The following MAML3 variants were observed in gnomAD, a reference collection of about 807,000 sequenced individuals.
MAML3 encodes the protein mastermind like transcriptional coactivator 3.
A neutral mutation model predicts 101.9 loss-of-function variants in MAML3; 27 were observed. The ratio of observed to expected loss-of-function variants is 0.27; its 90% CI spans 0.20 to 0.37. MAML3 has a LOEUF of 0.37. Among genes scored for constraint, MAML3 ranks in the 10% least tolerant of loss-of-function variants. The pLI, the probability that MAML3 is intolerant of heterozygous loss-of-function variation, is 1.00. For missense variants in MAML3, 1,316 were observed against 1,444.9 expected (o/e 0.91, Z 1.45); for synonymous variants, 501 against 555.9 (o/e 0.90, Z 1.39).
At chr4:139,946,889 C>CA (rs1733737962) in intron 1 of MAML3, among the ~76,000 whole-genome samples, 1 of 126,844 alleles carries the variant, frequency 7.9e-6, no homozygotes, top group East Asian at 2.8e-4. Context: ...GCAGAGTAAG[C>CA]CACACACACA....
intron 2 of MAML3, among the ~76,000 whole-genome samples, chr4:139,750,459 T>C (rs1411150095): frequency 6.6e-6 from 1 of 152,224 alleles, no homozygotes; most frequent in African/African-American, 2.4e-5. Context: ...AAATGGCCTT[T>C]GGTGCAGTTT....
intron 1 of MAML3, among the ~76,000 whole-genome samples, chr4:139,994,488 G>A (rs1348275299): frequency 6.6e-6 from 1 of 152,116 alleles, no homozygotes; most frequent in Non-Finnish European, 1.5e-5. Flanking sequence ...AACATAGCAA[G>A]ACTCCATCTC....
intron 2 of MAML3, among the ~76,000 whole-genome samples, chr4:139,821,377 C>T (rs954153501): frequency 1.3e-5 from 2 of 152,132 alleles, no homozygotes; most frequent in Non-Finnish European, 2.9e-5. Context: ...CAGCACAAAC[C>T]CTACTGTGAA....
chr4:139,781,996 T>C (rs1730224797), intron 2 of MAML3, among the ~76,000 whole-genome samples: 1 of 152,156 alleles, frequency 6.6e-6, no homozygotes, highest in South Asian at 2.1e-4. Context: ...CACGGGGAAC[T>C]GTTCCATGGA....
intron 1 of MAML3, among the ~76,000 whole-genome samples, chr4:140,055,885 T>A (rs1273050448): frequency 6.6e-6 from 1 of 151,360 alleles, no homozygotes; most frequent in Non-Finnish European, 1.5e-5. Flanking sequence ...AAGAAATACA[T>A]TGACTGGCTT....
intron 2 of MAML3, among the ~76,000 whole-genome samples, chr4:139,751,968 T>C (rs968121979): frequency 6.6e-6 from 1 of 152,216 alleles, no homozygotes; most frequent in African/African-American, 2.4e-5. Context: ...TGTATTGCAT[T>C]TATTACTACT....
At chr4:140,014,312 A>G (rs749472936) in intron 1 of MAML3, among the ~76,000 whole-genome samples, 2 of 152,256 alleles carry the variant, frequency 1.3e-5, no homozygotes, top group Non-Finnish European at 2.9e-5. Context: ...CAAAAAATAT[A>G]GATGTCCAAA....
chr4:140,007,943 G>A lies in MAML3; in HGVS notation c.469-116976C>T, dbSNP rs143168870. Among the ~76,000 whole-genome samples the A allele has an allele frequency of 6.5e-3, 988 of 152,208 alleles. 11 individuals carry two copies. Among genetic ancestry groups the A allele is most frequent in the African/African-American group, 0.023 (943 of 41,520 alleles). The stretch of plus-strand genomic sequence containing the variant: ...CTACTATCAAAGAGAATTTTTCATC[G>A]GTAAGAAATGGCACTGTTGGGCAGC... On this transcript the variant is annotated intron_variant, in intron 1 of 4. Transcript: ENST00000509479.
At chr4:139,912,031 T>A (rs1165966026) in intron 1 of MAML3, among the ~76,000 whole-genome samples, 3 of 152,272 alleles carry the variant, frequency 2.0e-5, no homozygotes, top group African/African-American at 7.2e-5. Flanking sequence ...CAAATATCTC[T>A]TGTAGACCCT....
At chr4:139,753,559 T>A (rs1729575955) in intron 2 of MAML3, among the ~76,000 whole-genome samples, 1 of 152,136 alleles carries the variant, frequency 6.6e-6, no homozygotes. Flanking sequence ...AGTCTAAAAC[T>A]ACCATGAAAA....
intron 1 of MAML3, among the ~76,000 whole-genome samples, chr4:140,146,275 G>A (rs2111060882): frequency 6.6e-6 from 1 of 152,192 alleles, no homozygotes; most frequent in African/African-American, 2.4e-5. Context: ...GGCCCTCAGA[G>A]AACGCCGAAT....
At chr4:139,834,417 C>T (rs749002125) in intron 2 of MAML3, among the ~76,000 whole-genome samples, 4 of 152,332 alleles carry the variant, frequency 2.6e-5, no homozygotes, top group South Asian at 2.1e-4. Context: ...AGTTTAGTGG[C>T]GGTAGCACGT....
chr4:139,783,285 C>T (rs1730248461), intron 2 of MAML3, among the ~76,000 whole-genome samples: 1 of 152,220 alleles, frequency 6.6e-6, no homozygotes, highest in Non-Finnish European at 1.5e-5. Flanking sequence ...GCTCTAACCT[C>T]ATTTCTCCAG....
intron 2 of MAML3, among the ~76,000 whole-genome samples, chr4:139,750,719 C>G (rs1285152938): frequency 2.0e-5 from 3 of 152,166 alleles, no homozygotes; most frequent in Non-Finnish European, 4.4e-5. Flanking sequence ...TTTGTATATT[C>G]TACCTAAAAA....
At chr4:139,748,331 C>T (rs1327390499) in intron 2 of MAML3, among the ~76,000 whole-genome samples, 1 of 152,104 alleles carries the variant, frequency 6.6e-6, no homozygotes, top group East Asian at 1.9e-4. Flanking sequence ...CTTTCAGGGG[C>T]TTCAGAGAAA....
intron 2 of MAML3, among the ~76,000 whole-genome samples, chr4:139,733,557 GAAAA>G (rs3051189): frequency 7.9e-6 from 1 of 126,194 alleles, no homozygotes; most frequent in African/African-American, 3.0e-5. Flanking sequence ...AGCACAGTGT[GAAAA>G]AAAAAAAAAA....
At chr4:139,883,897 T>C (rs1732272898) in intron 2 of MAML3, among the ~76,000 whole-genome samples, 1 of 147,116 alleles carries the variant, frequency 6.8e-6, no homozygotes, top group East Asian at 2.0e-4. Context: ...GTCTTTTTTT[T>C]TTTTTTTTTT....
At chr4:139,872,029 A>T (rs568492173) in intron 2 of MAML3, among the ~76,000 whole-genome samples, 1 of 152,362 alleles carries the variant, frequency 6.6e-6, no homozygotes, top group Non-Finnish European at 1.5e-5. Context: ...AGTGAACAGC[A>T]GGCACTAATT....
chr4:139,892,930 C>CAAA (rs572440211), intron 1 of MAML3, among the ~76,000 whole-genome samples: 71 of 69,818 alleles, frequency 1.0e-3, no homozygotes, highest in African/African-American at 1.5e-3. Flanking sequence ...GACTCCGTCT[C>CAAA]AAAAAAAAAA....
Sources: gnomAD v4.1 joint callset for allele counts (sites outside exome capture counted in the v4.1 genomes callset) on GRCh38, gnomAD v4.1.1 for gene constraint, MANE v1.5 for transcripts, NCBI Gene and HGNC (gene_info 2026-07-23, HGNC 2026-07-21) for gene names.